Variants in NCOA2 observed in about 807,000 individuals in gnomAD.
NCOA2 encodes class E basic helix-loop-helix protein 75.
A neutral mutation model predicts 145.1 loss-of-function variants in NCOA2; 21 were observed. The ratio of observed to expected loss-of-function variants is 0.14; its 90% CI spans 0.10 to 0.21. The LOEUF is 0.21. NCOA2 is among the 10% of genes least tolerant of loss of function. NCOA2 has a pLI of 1.00. For missense variants in NCOA2, 1,472 were observed against 1,837.6 expected, an observed-to-expected ratio of 0.80 and a Z score of 3.64; for synonymous variants, 619 against 637.5, an observed-to-expected ratio of 0.97 and a Z score of 0.44.
In NCOA2 at chr8:70,147,202, G is replaced by A. The variant is rs112101186; in HGVS notation, c.2605+1071C>T. Reference sequence around the variant, plus strand: ...GGCTGGAGTACAGCGGCGCAATCTCGGACCACTGCAACCTCCGCCTCCCGG... The same window carrying A: ...GGCTGGAGTACAGCGGCGCAATCTCAGACCACTGCAACCTCCGCCTCCCGG... On this transcript the variant is annotated intron_variant, in intron 12 of 22. Coordinates refer to ENST00000452400, the MANE Select transcript of NCOA2 (RefSeq NM_006540.4). Among the ~76,000 whole-genome samples, 471 of 145,198 alleles carry A rather than the reference G, an allele frequency of 3.2e-3. 5 individuals are homozygous for A. The highest frequency in any genetic ancestry group is 0.012 in the African/African-American group (456 of 39,320).
intron 1 of NCOA2, among the ~76,000 whole-genome samples, chr8:70,313,655 G>C (rs1048423155): frequency 6.6e-6 from 1 of 152,144 alleles, no homozygotes; most frequent in African/African-American, 2.4e-5. Flanking sequence ...ATTAACAACA[G>C]AGTAAGTTAT....
intron 1 of NCOA2, among the ~76,000 whole-genome samples, chr8:70,374,746 G>T (rs1418277968): frequency 6.6e-6 from 1 of 150,516 alleles, no homozygotes; most frequent in Admixed American, 6.6e-5. Flanking sequence ...AGGCTGCAGT[G>T]AGCTATGATC....
intron 13 of NCOA2, among the ~76,000 whole-genome samples, chr8:70,142,374 T>A (rs1004909233): frequency 7.2e-5 from 11 of 152,140 alleles, no homozygotes; most frequent in African/African-American, 2.7e-4. Context: ...TGTGCTGTGA[T>A]GATTAAGGGT....
intron 18 of NCOA2, 124 bp from the exon 19 acceptor site, chr8:70,127,171 T>C (rs1808509008): frequency 3.0e-6 from 2 of 676,830 alleles, no homozygotes; most frequent in Middle Eastern, 2.7e-4. Flanking sequence ...GGAAAAAAAT[T>C]ACATGAAAGG....
At chr8:70,294,595 T>C (rs1826940448) in intron 2 of NCOA2, among the ~76,000 whole-genome samples, 1 of 152,204 alleles carries the variant, frequency 6.6e-6, no homozygotes, top group Admixed American at 6.5e-5. Flanking sequence ...ATAAGTGAAA[T>C]AATGTTTGGC....
At chr8:70,204,963 G>A (rs745498964) in intron 4 of NCOA2, among the ~76,000 whole-genome samples, 7 of 152,156 alleles carry the variant, frequency 4.6e-5, no homozygotes, top group African/African-American at 7.2e-5. Flanking sequence ...AGCGGAGATC[G>A]TACCATTGCA....
At chr8:70,206,364 C>T (rs539809319) in intron 4 of NCOA2, among the ~76,000 whole-genome samples, 2 of 152,108 alleles carry the variant, frequency 1.3e-5, no homozygotes, top group East Asian at 3.9e-4. Flanking sequence ...CCTCCTGCTC[C>T]TTCTAAGTCT....
chr8:70,302,709 G>A (rs1827600661), intron 1 of NCOA2, among the ~76,000 whole-genome samples: 1 of 152,036 alleles, frequency 6.6e-6, no homozygotes, highest in African/African-American at 2.4e-5. Context: ...ATGTTCTTTT[G>A]TTATTTCAAC....
At chr8:70,159,242 A>ATATATATATATTTTTTTTTTTTTTTTTT in intron 10 of NCOA2, among the ~76,000 whole-genome samples, 1 of 61,076 alleles carries the variant, frequency 1.6e-5, no homozygotes, top group African/African-American at 5.4e-5. Context: ...ATATATATAT[A>ATATATATATATTTTTTTTTTTTTTTTTT]TTTTTTTTTT....
intron 4 of NCOA2, among the ~76,000 whole-genome samples, chr8:70,181,967 G>C (rs544136376): frequency 6.6e-6 from 1 of 152,238 alleles, no homozygotes; most frequent in Non-Finnish European, 1.5e-5. Context: ...CATCTCCAAG[G>C]TTCTAGAAGG....
chr8:70,123,921 A>T lies in NCOA2; in HGVS notation c.4256T>A (p.Val1419Glu). ...CATGGAGGACAGCCCTGACGTAGGC[A>T]CGGAGGTCACTGAGGTCATGCTGAT... ...GQISMTSVTS[V>E]PTSGLSSMGP... The change falls in exon 21 of 23, where the codon GTG becomes GAG. Residue 1419 changes from valine (V) to glutamate (E), a missense_variant. Val to Glu is a moderately radical substitution (Grantham distance 121). Around this residue, in one of 4 missense-constraint regions of NCOA2, gnomAD observed 232 missense variants for 290.6 expected, o/e 0.80. Coordinates refer to ENST00000452400, the MANE Select transcript of NCOA2 (RefSeq NM_006540.4). 6.2e-7 allele frequency: 1 copy of T among 1,613,882 alleles called. No homozygotes were observed. Among genetic ancestry groups the T allele is most frequent in the Non-Finnish European group, 8.5e-7 (1 of 1,179,828 alleles).
chr8:70,166,202 A>G (rs1813598685), intron 7 of NCOA2, among the ~76,000 whole-genome samples: 1 of 152,188 alleles, frequency 6.6e-6, no homozygotes, highest in South Asian at 2.1e-4. Flanking sequence ...AAGTGTGCTC[A>G]CTAATACAGT....
At chr8:70,454,695 C>T in the NCOA2 span, among the ~76,000 whole-genome samples, 5 of 152,154 alleles carry the variant, frequency 3.3e-5, no homozygotes, top group Admixed American at 1.3e-4. Flanking sequence ...AACACAAATT[C>T]GACAGTTACC....
chr8:70,202,759 C>A (rs569763182), intron 4 of NCOA2, among the ~76,000 whole-genome samples: 2 of 152,106 alleles, frequency 1.3e-5, no homozygotes, highest in Non-Finnish European at 2.9e-5. Flanking sequence ...ATCCACTGTA[C>A]AACAATGTGC....
intron 1 of NCOA2, among the ~76,000 whole-genome samples, chr8:70,324,530 A>G (rs995309191): frequency 1.3e-5 from 2 of 151,994 alleles, no homozygotes; most frequent in African/African-American, 4.8e-5. Context: ...CTGTAAAGAC[A>G]GGGTTCTCAC....
Position 70,177,190 on chromosome 8 carries a change from C to T in NCOA2, c.260-2331G>A, listed in dbSNP as rs73287390. Reference sequence around the variant, plus strand: ...GCAATGGTAAACATGAGAAGACAACCTCCCTGGAGGGGGGTCTATCAGAAT... The same window carrying T: ...GCAATGGTAAACATGAGAAGACAACTTCCCTGGAGGGGGGTCTATCAGAAT... On this transcript the variant is annotated intron_variant, in intron 4 of 22. Transcript: ENST00000452400. Among the ~76,000 whole-genome samples, 652 of 152,298 alleles carry T rather than the reference C, an allele frequency of 4.3e-3. 5 individuals are homozygous for T. Among genetic ancestry groups the T allele is most frequent in the African/African-American group, 0.015 (622 of 41,552 alleles).
chr8:70,152,528 CTTT>C (rs1179752315), intron 11 of NCOA2, among the ~76,000 whole-genome samples: 3 of 152,258 alleles, frequency 2.0e-5, no homozygotes, highest in East Asian at 1.9e-4. Flanking sequence ...AGAAGAAATT[CTTT>C]TTAGACTATT....
chr8:70,304,506 G>A (rs559083482), intron 1 of NCOA2, among the ~76,000 whole-genome samples: 3 of 150,742 alleles, frequency 2.0e-5, no homozygotes, highest in East Asian at 2.0e-4. Flanking sequence ...TTGCACTGTC[G>A]CCCAGGCTGG....
chr8:70,186,479 G>A (rs1204375501), intron 4 of NCOA2, among the ~76,000 whole-genome samples: 4 of 152,262 alleles, frequency 2.6e-5, no homozygotes, highest in East Asian at 1.9e-4. Flanking sequence ...AAGGTGCTGC[G>A]AGGGACAAAG....
Sources: gnomAD v4.1 joint callset for allele counts (sites outside exome capture counted in the v4.1 genomes callset) on GRCh38, gnomAD v4.1.1 for gene constraint, gnomAD v4.1.1 regional missense constraint, MANE v1.5 for transcripts, NCBI Gene and HGNC (gene_info 2026-07-23, HGNC 2026-07-21) for gene names.